The following TNFSF4 variants were observed in gnomAD, a reference collection of about 807,000 sequenced individuals.
TNFSF4 encodes tumor necrosis factor ligand superfamily member 4.
A neutral mutation model predicts 7.3 loss-of-function variants in TNFSF4; 4 were observed. That is an observed-to-expected ratio of 0.55 (90% confidence interval 0.27 to 1.25). TNFSF4 has a LOEUF of 1.25. Ranked by LOEUF, TNFSF4 falls within the 50% of genes most tolerant of loss-of-function variation. The probability of loss-of-function intolerance (pLI) is 0.12; values close to 1 mark genes in which losing one functional copy is unlikely to be tolerated. For missense variants in TNFSF4, 181 were observed against 208.8 expected, an observed-to-expected ratio of 0.87 and a Z score of 0.82; for synonymous variants, 76 against 83.7, an observed-to-expected ratio of 0.91 and a Z score of 0.50.
chr1:173,266,097 A>G, the TNFSF4 span, among the ~76,000 whole-genome samples: 3 of 152,192 alleles, frequency 2.0e-5, no homozygotes, highest in Admixed American at 2.0e-4. Context: ...TAATGAATGT[A>G]AAGAGTGTGC....
chr1:173,426,620 G>A, the TNFSF4 span, among the ~76,000 whole-genome samples: 4 of 152,022 alleles, frequency 2.6e-5, no homozygotes, highest in African/African-American at 9.7e-5. Context: ...CTTTGAGACA[G>A]GGTCTTGCTC....
Position 173,205,186 on chromosome 1 carries a change from G to A in TNFSF4, c.153+1838C>T. The A allele has an allele frequency of 2.6e-6, 3 of 1,169,114 alleles. No homozygotes were observed. In the East Asian group the frequency reaches 7.6e-5, roughly 29 times the overall value. 72.4% of individuals were successfully genotyped at this position (1,169,114 alleles called of 1,614,324 possible). Reference sequence around the variant, plus strand: ...CTTCAAATATCCTGAGCAAAAAAAAGAAATCTATTTTCAGAGTAGACAGGG... The same window carrying A: ...CTTCAAATATCCTGAGCAAAAAAAAAAAATCTATTTTCAGAGTAGACAGGG... On this transcript the variant is annotated intron_variant, in intron 1 of 2. Transcript: ENST00000281834.
intron 2 of TNFSF4, among the ~76,000 whole-genome samples, chr1:173,187,609 T>G (rs981674534): frequency 8.5e-5 from 13 of 152,152 alleles, no homozygotes; most frequent in East Asian, 3.8e-4. Context: ...GGCATATACT[T>G]GCTTCTCTTC....
chr1:173,186,280 G>A lies in TNFSF4; in HGVS notation c.*236C>T. 2 of 440,272 alleles carry A rather than the reference G, an allele frequency of 4.5e-6. No individual in the cohort carries two copies. The highest frequency in any genetic ancestry group is 6.9e-5 in the East Asian group (2 of 28,804). 27.3% of individuals were successfully genotyped at this position (440,272 alleles called of 1,614,324 possible). A position where few individuals can be genotyped will look rare whatever the true frequency, so the allele number is the denominator to read the frequency against. ...GCCTAGTAGGCTCAAGGCAATCTTG[G>A]GGTGTGACGGCTAGGCAATTTAGAA... On this transcript the variant is annotated 3_prime_UTR_variant, in exon 3 of 3. Coordinates refer to ENST00000281834, the MANE Select transcript of TNFSF4 (RefSeq NM_003326.5).
the TNFSF4 span, among the ~76,000 whole-genome samples, chr1:173,255,918 T>C: frequency 6.6e-6 from 1 of 152,172 alleles, no homozygotes; most frequent in Non-Finnish European, 1.5e-5. Flanking sequence ...TGTAATAACA[T>C]CATCATTTTT....
the TNFSF4 span, among the ~76,000 whole-genome samples, chr1:173,243,082 G>C: frequency 7.1e-6 from 1 of 141,214 alleles, no homozygotes; most frequent in Admixed American, 8.0e-5. Context: ...CTTTCTCTCT[G>C]ACCTCCTTGC....
chr1:173,423,998 G>A, the TNFSF4 span, among the ~76,000 whole-genome samples: 1 of 151,992 alleles, frequency 6.6e-6, no homozygotes, highest in Non-Finnish European at 1.5e-5. Context: ...AGGGACAGAA[G>A]GGCAAAAAGG....
chr1:173,331,291 T>C, the TNFSF4 span, among the ~76,000 whole-genome samples: 1 of 152,236 alleles, frequency 6.6e-6, no homozygotes, highest in Non-Finnish European at 1.5e-5. Context: ...CGAGTCTCAG[T>C]AACAATTACT....
chr1:173,220,129 C>T, the TNFSF4 span, among the ~76,000 whole-genome samples: 1 of 152,066 alleles, frequency 6.6e-6, no homozygotes, highest in Non-Finnish European at 1.5e-5. Flanking sequence ...GGTTTCTTTG[C>T]AGTAGAAACT....
the TNFSF4 span, among the ~76,000 whole-genome samples, chr1:173,178,055 A>C: frequency 6.6e-6 from 1 of 152,150 alleles, no homozygotes; most frequent in Admixed American, 6.6e-5. Context: ...CCCTCTCCTT[A>C]TTATCCTACC....
At chr1:173,369,928 C>A in the TNFSF4 span, among the ~76,000 whole-genome samples, 2 of 152,072 alleles carry the variant, frequency 1.3e-5, no homozygotes, top group African/African-American at 4.8e-5. Context: ...CATTTCCTAG[C>A]CTCCCTATAG....
the TNFSF4 span, among the ~76,000 whole-genome samples, chr1:173,300,456 T>C: frequency 2.6e-5 from 4 of 152,020 alleles, no homozygotes; most frequent in East Asian, 7.8e-4. Context: ...TGGGACACTC[T>C]GTTGCTGAGG....
At chr1:173,448,627 C>T in the TNFSF4 span, among the ~76,000 whole-genome samples, 2 of 152,102 alleles carry the variant, frequency 1.3e-5, no homozygotes, top group Non-Finnish European at 2.9e-5. Flanking sequence ...TCACAAGGTG[C>T]TCAGTGGGGG....
At chr1:173,262,854 C>T in the TNFSF4 span, among the ~76,000 whole-genome samples, 2,818 of 152,262 alleles carry the variant, frequency 0.019, 72 homozygotes, top group African/African-American at 0.064. Context: ...CCCGTCTCGG[C>T]CTCCTAAAGT....
At chr1:173,384,253 C>T in the TNFSF4 span, among the ~76,000 whole-genome samples, 1 of 152,042 alleles carries the variant, frequency 6.6e-6, no homozygotes, top group Non-Finnish European at 1.5e-5. Flanking sequence ...AAATGATAAA[C>T]ACAATAAATA....
chr1:173,269,928 G>A, the TNFSF4 span, among the ~76,000 whole-genome samples: 2 of 152,070 alleles, frequency 1.3e-5, no homozygotes, highest in Admixed American at 1.3e-4. Context: ...GAAGAAGCAG[G>A]GAAACCAGCC....
At chr1:173,439,448 C>T in the TNFSF4 span, among the ~76,000 whole-genome samples, 4 of 152,180 alleles carry the variant, frequency 2.6e-5, no homozygotes, top group African/African-American at 9.7e-5. Flanking sequence ...TTGGATACCA[C>T]ACTAGCAGCC....
At chr1:173,385,618 A>G in the TNFSF4 span, among the ~76,000 whole-genome samples, 1 of 152,230 alleles carries the variant, frequency 6.6e-6, no homozygotes, top group Admixed American at 6.5e-5. Context: ...CAGCTGGATC[A>G]CTTGAGCACA....
At chr1:173,217,715 T>G in the TNFSF4 span, among the ~76,000 whole-genome samples, 1 of 152,200 alleles carries the variant, frequency 6.6e-6, no homozygotes, top group African/African-American at 2.4e-5. Flanking sequence ...CTATTACAAT[T>G]AATTTTATCT....
Sources: allele counts gnomAD v4.1 joint callset (sites outside exome capture counted in the v4.1 genomes callset), GRCh38; gene constraint gnomAD v4.1.1; transcripts MANE v1.5; gene names NCBI Gene and HGNC (gene_info 2026-07-23, HGNC 2026-07-21).